The following RFTN2 variants were observed in gnomAD, a reference collection of about 807,000 sequenced individuals.
The protein encoded by RFTN2 is raftlin-2.
In RFTN2, 34 loss-of-function variants were observed where a neutral mutation model predicts 52.7. The observed-to-expected ratio is 0.64, with a 90% CI of 0.49 to 0.86. The LOEUF is 0.86. RFTN2 is among the 40% of genes least tolerant of loss of function. The probability of loss-of-function intolerance (pLI) is 0.00; values close to 1 mark genes in which losing one functional copy is unlikely to be tolerated. For synonymous variants in RFTN2, 203 were observed against 217.7 expected (o/e 0.93, Z 0.59); for missense variants, 536 against 600.1 (o/e 0.89, Z 1.12).
rs114696715 is a variant in RFTN2 at position 197,668,340 on chromosome 2, C to T, written c.139+6980G>A. Among the ~76,000 whole-genome samples, 942 of 152,226 alleles carry T rather than the reference C, an allele frequency of 6.2e-3. 6 individuals are homozygous for T. Among genetic ancestry groups the T allele is most frequent in the African/African-American group, 0.021 (883 of 41,508 alleles). On this transcript the variant is annotated intron_variant, in intron 1 of 8. Coordinates refer to ENST00000295049, the MANE Select transcript of RFTN2 (RefSeq NM_144629.3). ...TGGTAGGCAGGAGTGGGATGTTCCC[C>T]AGGCCAGCAGTGGAATGTTCAGATT...
intron 3 of RFTN2, 77 bp downstream of exon 3, chr2:197,644,081 G>C (rs897173818): frequency 1.2e-6 from 1 of 862,434 alleles, no homozygotes; most frequent in Non-Finnish European, 2.0e-6. Context: ...TTCTTTTTAG[G>C]GTAAAAAAGG....
At chr2:197,602,305 A>G (rs1197422163) in intron 7 of RFTN2, among the ~76,000 whole-genome samples, 2 of 152,014 alleles carry the variant, frequency 1.3e-5, no homozygotes, top group African/African-American at 2.4e-5. Context: ...TCCTTACCTC[A>G]GGTGATCTGT....
intron 8 of RFTN2, among the ~76,000 whole-genome samples, chr2:197,577,825 TCTC>T (rs769680941): frequency 6.6e-6 from 1 of 152,236 alleles, no homozygotes. Flanking sequence ...CTCAAGCAAT[TCTC>T]CTGCCTCAGC....
chr2:197,671,400 C>A (rs1297857219), intron 1 of RFTN2, among the ~76,000 whole-genome samples: 2 of 152,240 alleles, frequency 1.3e-5, no homozygotes, highest in Non-Finnish European at 2.9e-5. Flanking sequence ...CTTGTTGTAG[C>A]ACACTATTTC....
At chr2:197,634,193 G>A (rs754021581) in intron 3 of RFTN2, among the ~76,000 whole-genome samples, 196 bp from the exon 4 acceptor site, 5 of 152,024 alleles carry the variant, frequency 3.3e-5, no homozygotes, top group Non-Finnish European at 7.4e-5. Flanking sequence ...TGATCATCAT[G>A]ACCTTCAAAC....
intron 8 of RFTN2, among the ~76,000 whole-genome samples, chr2:197,574,145 A>G (rs1458010107): frequency 6.6e-6 from 1 of 152,228 alleles, no homozygotes; most frequent in Non-Finnish European, 1.5e-5. Context: ...TGCAGACCCC[A>G]GAATGGTAGA....
At chr2:197,595,927 T>G in intron 8 of RFTN2, 64 bp downstream of exon 8, 4 of 1,106,376 alleles carry the variant, frequency 3.6e-6, no homozygotes, top group Non-Finnish European at 5.5e-6. Flanking sequence ...GGAATTACAA[T>G]GAGAGTTTAA....
intron 1 of RFTN2, among the ~76,000 whole-genome samples, chr2:197,674,524 G>A (rs1352271754): frequency 6.6e-6 from 1 of 151,944 alleles, no homozygotes; most frequent in Non-Finnish European, 1.5e-5. Flanking sequence ...AACTTTAACA[G>A]CAAGCAAAGC....
intron 8 of RFTN2, among the ~76,000 whole-genome samples, chr2:197,590,459 A>T (rs188518161): frequency 6.6e-6 from 1 of 152,306 alleles, no homozygotes; most frequent in East Asian, 1.9e-4. Flanking sequence ...CGAAGAAAAA[A>T]ATCCAATGAT....
chr2:197,569,168 C>T lies in RFTN2; in HGVS notation c.*2840G>A, dbSNP rs996283132. 6.6e-6 allele frequency: 1 copy of T among 152,126 alleles called. No individual in the cohort carries two copies. The highest frequency in any genetic ancestry group is 1.5e-5 in the Non-Finnish European group (1 of 68,032). 9.4% of individuals were successfully genotyped at this position (152,126 alleles called of 1,614,324 possible). A position where few individuals can be genotyped will look rare whatever the true frequency, so the allele number is the denominator to read the frequency against. On this transcript the variant is annotated 3_prime_UTR_variant, in exon 9 of 9. Coordinates refer to ENST00000295049, the MANE Select transcript of RFTN2 (RefSeq NM_144629.3). ...GTATTGAAAACGAAGATGAAAATGC[C>T]ATAGATACTACACCAAGGGGAATGG...
At chr2:197,621,401 G>GTTT (rs55724429) in intron 5 of RFTN2, among the ~76,000 whole-genome samples, 2,804 of 122,472 alleles carry the variant, frequency 0.023, 159 homozygotes, top group African/African-American at 0.062. Flanking sequence ...GCAGATACCG[G>GTTT]TTTTTTTTTT....
At chr2:197,623,596 A>C (rs2088303773) in intron 5 of RFTN2, among the ~76,000 whole-genome samples, 1 of 152,186 alleles carries the variant, frequency 6.6e-6, no homozygotes, top group Non-Finnish European at 1.5e-5. Flanking sequence ...CTTGTGCTTC[A>C]GCCTCTTGAG....
At position 197,572,014 on chromosome 2, in the gene RFTN2, A is replaced by G. The variant is rs1349034331; in HGVS notation, c.1500T>C (p.Cys500=). Residue 500 remains cysteine (C), a synonymous_variant, in exon 9 of 9, where the codon TGT becomes TGC. Coordinates refer to ENST00000295049, the MANE Select transcript of RFTN2 (RefSeq NM_144629.3). The part of the protein sequence containing the change: ...DQEDGVTQVT[C]M ...CTTTGCTTCACCTCATGGCTCACAT[A>G]CAAGTGACCTGAGTCACTCCATCTT... 2 of 1,613,916 alleles carry G rather than the reference A, an allele frequency of 1.2e-6. No homozygotes were observed. Among genetic ancestry groups the G allele is most frequent in the Non-Finnish European group, 1.7e-6 (2 of 1,179,740 alleles).
At chr2:197,577,293 T>C (rs2087433945) in intron 8 of RFTN2, among the ~76,000 whole-genome samples, 1 of 152,264 alleles carries the variant, frequency 6.6e-6, no homozygotes, top group African/African-American at 2.4e-5. Context: ...CTATCTCATA[T>C]ATTCGGGGTT....
intron 8 of RFTN2, among the ~76,000 whole-genome samples, chr2:197,594,329 T>A (rs1347168010): frequency 1.3e-5 from 2 of 152,118 alleles, no homozygotes; most frequent in Middle Eastern, 3.4e-3. Context: ...ATTTCTTTTA[T>A]TTAATTAATT....
At chr2:197,652,886 C>T (rs888718942) in intron 1 of RFTN2, among the ~76,000 whole-genome samples, 3 of 152,110 alleles carry the variant, frequency 2.0e-5, no homozygotes, top group East Asian at 1.9e-4. Flanking sequence ...AGGGGAAATC[C>T]TGTGGTCTGT....
chr2:197,604,194 C>A lies in RFTN2; in HGVS notation c.1155-8125G>T, dbSNP rs993652270. On this transcript the variant is annotated intron_variant, in intron 7 of 8. Coordinates refer to ENST00000295049, the MANE Select transcript of RFTN2 (RefSeq NM_144629.3). ...CTGCTAGTAGGAGTGTACATGGAAACAATCTATTTGAAAAGAATCTGGTAT... is the reference window on the plus strand; with the variant it reads ...CTGCTAGTAGGAGTGTACATGGAAAAAATCTATTTGAAAAGAATCTGGTAT... Among the ~76,000 whole-genome samples the A allele has an allele frequency of 5.3e-5, 8 of 152,256 alleles. No homozygotes were observed. In the East Asian group the frequency reaches 1.2e-3, roughly 22 times the overall value.
intron 5 of RFTN2, among the ~76,000 whole-genome samples, chr2:197,629,696 A>ACACACACACACACACACACACC (rs1325493901): frequency 2.5e-4 from 33 of 134,670 alleles, no homozygotes; most frequent in African/African-American, 7.5e-4. Flanking sequence ...ACACACACAC[A>ACACACACACACACACACACACC]CACATATTTA....
chr2:197,600,236 G>A (rs187657743), intron 7 of RFTN2, among the ~76,000 whole-genome samples: 79 of 152,232 alleles, frequency 5.2e-4, no homozygotes, highest in African/African-American at 1.7e-3. Context: ...GTGCTGTTTG[G>A]GGAGTCTAAT....
Sources: gnomAD v4.1 joint callset for allele counts (sites outside exome capture counted in the v4.1 genomes callset) on GRCh38, gnomAD v4.1.1 for gene constraint, MANE v1.5 for transcripts, NCBI Gene and HGNC (gene_info 2026-07-23, HGNC 2026-07-21) for gene names.